RARA: variants seen among roughly 807,000 people sequenced by gnomAD.
RARA encodes PML-DDX5-RARA fusion.
In RARA, 5 loss-of-function variants were observed where a neutral mutation model predicts 42.8. The ratio of observed to expected loss-of-function variants is 0.12; its 90% CI spans 0.06 to 0.25. The LOEUF (loss-of-function observed/expected upper bound fraction) is 0.25, where lower values mean the gene tolerates loss of function less well. Ranked by LOEUF, RARA falls within the 10% of genes least tolerant of loss-of-function variation. The pLI, the probability that RARA is intolerant of heterozygous loss-of-function variation, is 1.00. For missense variants in RARA, 402 were observed against 628.7 expected (o/e 0.64, Z 3.86); for synonymous variants, 256 against 259.5 (o/e 0.99, Z 0.13).
chr17:40,354,263 C>T lies in RARA; in HGVS notation c.808-39C>T, dbSNP rs776624633. The T allele has an allele frequency of 6.9e-6, 11 of 1,590,870 alleles. No individual in the cohort carries two copies. The highest frequency in any genetic ancestry group is 3.4e-5 in the Admixed American group (2 of 59,490). ...TGGTGCCGAGTGCTCAGAGTGGGTT[C>T]GGGTTCAGTCCCTGAACCCAAGCAT... On this transcript the variant is annotated intron_variant, in intron 6 of 8. Coordinates refer to ENST00000254066, the MANE Select transcript of RARA (RefSeq NM_000964.4). The surrounding 1 kb of genome is among the most constrained non-coding windows in gnomAD (Gnocchi z 4.5).
At chr17:40,339,659 C>G (rs1038918407) in intron 2 of RARA, among the ~76,000 whole-genome samples, 3 of 152,176 alleles carry the variant, frequency 2.0e-5, no homozygotes, top group Non-Finnish European at 2.9e-5. Flanking sequence ...CCTTGCTTGC[C>G]ACACTCTGCC....
intron 4 of RARA, chr17:40,350,131 C>T: frequency 1.4e-6 from 1 of 702,120 alleles, no homozygotes; most frequent in Non-Finnish European, 2.3e-6. Context: ...ACGGGCAGGT[C>T]TGTGCTCCGG....
At chr17:40,324,690 A>C (rs554107970) in intron 1 of RARA, among the ~76,000 whole-genome samples, 1 of 152,108 alleles carries the variant, frequency 6.6e-6, no homozygotes, top group Non-Finnish European at 1.5e-5. Flanking sequence ...GAGACATTGG[A>C]CCTATTCTTT....
At chr17:40,321,866 G>A (rs77015611) in intron 1 of RARA, among the ~76,000 whole-genome samples, 2,293 of 152,264 alleles carry the variant, frequency 0.015, 29 homozygotes, top group Non-Finnish European at 0.023. Context: ...CGGAACAAGG[G>A]AAGACTTCCC....
At chr17:40,315,427 A>T (rs1478467329) in intron 1 of RARA, among the ~76,000 whole-genome samples, 1 of 151,860 alleles carries the variant, frequency 6.6e-6, no homozygotes, top group Non-Finnish European at 1.5e-5. Context: ...CAGTTTTTTC[A>T]TCTCTACAAT....
intron 2 of RARA, among the ~76,000 whole-genome samples, chr17:40,343,931 C>G (rs1428292776): frequency 6.6e-6 from 1 of 152,166 alleles, no homozygotes; most frequent in Admixed American, 6.5e-5. Context: ...GCAGTGTACA[C>G]TGGGTGGGCG....
At chr17:40,342,110 G>C in intron 2 of RARA, 1 of 1,050,510 alleles carries the variant, frequency 9.5e-7, no homozygotes, top group East Asian at 5.4e-5. Flanking sequence ...GCGGTGGAAA[G>C]GGGGTGGTGC....
At chr17:40,340,416 C>A (rs2033997214) in intron 2 of RARA, among the ~76,000 whole-genome samples, 2 of 152,200 alleles carry the variant, frequency 1.3e-5, no homozygotes, top group South Asian at 4.1e-4. Context: ...CTGGTCTGGC[C>A]TGAGCCCACC....
At chr17:40,315,171 T>TATATATACACAC (rs1247793097) in intron 1 of RARA, among the ~76,000 whole-genome samples, 1 of 76,566 alleles carries the variant, frequency 1.3e-5, no homozygotes, top group African/African-American at 5.9e-5. Flanking sequence ...TATATATATA[T>TATATATACACAC]ACACACACAC....
intron 2 of RARA, among the ~76,000 whole-genome samples, chr17:40,336,068 GTTTCT>G (rs2033840122): frequency 6.6e-6 from 1 of 152,162 alleles, no homozygotes; most frequent in African/African-American, 2.4e-5. Context: ...CTCTGAGCAT[GTTTCT>G]TTTTTGTTGT....
At chr17:40,341,037 T>C in intron 2 of RARA, 1 of 400,558 alleles carries the variant, frequency 2.5e-6, no homozygotes, top group Non-Finnish European at 4.4e-6. Context: ...TTGGGTAGCA[T>C]GTACATTTCC....
At chr17:40,343,785 C>T (rs1479154922) in intron 2 of RARA, among the ~76,000 whole-genome samples, 1 of 152,138 alleles carries the variant, frequency 6.6e-6, no homozygotes, top group East Asian at 1.9e-4. Flanking sequence ...TCCTAGCATC[C>T]TGGCAGCCTG....
At chr17:40,339,271 G>A (rs1053939311) in intron 2 of RARA, among the ~76,000 whole-genome samples, 1 of 152,310 alleles carries the variant, frequency 6.6e-6, no homozygotes, top group Middle Eastern at 3.4e-3. Flanking sequence ...CCCTCCAGAT[G>A]GGGTTGGGGA....
In RARA at chr17:40,326,077, C is replaced by T. The variant is rs1019164257; in HGVS notation, c.-362-4780C>T. Among the ~76,000 whole-genome samples the T allele has an allele frequency of 6.6e-6, 1 of 152,242 alleles. No individual in the cohort carries two copies. The highest frequency in any genetic ancestry group is 1.5e-5 in the Non-Finnish European group (1 of 68,040). On this transcript the variant is annotated intron_variant, in intron 1 of 8. Coordinates refer to ENST00000254066, the MANE Select transcript of RARA (RefSeq NM_000964.4). The surrounding 1 kb of genome is among the most constrained non-coding windows in gnomAD (Gnocchi z 5.2). ...CCCCGAATATCCCTTTCCCCACATCCCTCTCCTCCATCCGAGGGAAGCAGA... is the reference window on the plus strand; with the variant it reads ...CCCCGAATATCCCTTTCCCCACATCTCTCTCCTCCATCCGAGGGAAGCAGA...
intron 4 of RARA, 35 bp downstream of exon 4, chr17:40,349,960 CAGTT>C (rs1567761896): frequency 6.2e-7 from 1 of 1,609,170 alleles, no homozygotes. Context: ...AGTCCCGCCT[CAGTT>C]GGGGTCTCAG....
At chr17:40,341,092 CAGGGGTATCCCCTCTTTCT>C (rs2034018130) in intron 2 of RARA, 1 of 402,074 alleles carries the variant, frequency 2.5e-6, no homozygotes, top group Non-Finnish European at 4.4e-6. Context: ...CCCCCTCCTC[CAGGGGTATCCCCTCTTTCT>C]AGGGACCTAC....
intron 1 of RARA, among the ~76,000 whole-genome samples, chr17:40,319,462 T>C (rs1270926487): frequency 6.6e-6 from 1 of 152,198 alleles, no homozygotes; most frequent in Non-Finnish European, 1.5e-5. Context: ...TTCTGTCTGA[T>C]GGCTGTGTGC....
intron 1 of RARA, among the ~76,000 whole-genome samples, chr17:40,327,081 C>T (rs541439577): frequency 3.9e-4 from 60 of 152,180 alleles, no homozygotes; most frequent in South Asian, 2.1e-3. Context: ...GGGAGGCCTT[C>T]CAGCCTTGCC....
At chr17:40,318,012 T>C (rs2033251415) in intron 1 of RARA, among the ~76,000 whole-genome samples, 2 of 152,230 alleles carry the variant, frequency 1.3e-5, no homozygotes, top group Admixed American at 6.5e-5. Context: ...GTTCTTGCTC[T>C]GAATCTTCGG....
Sources: gnomAD v4.1 joint callset for allele counts (sites outside exome capture counted in the v4.1 genomes callset) on GRCh38, gnomAD v4.1.1 for gene constraint, Gnocchi (gnomAD v3.1) non-coding constraint, MANE v1.5 for transcripts, NCBI Gene and HGNC (gene_info 2026-07-23, HGNC 2026-07-21) for gene names.